SCHIP1: variants seen among roughly 807,000 people sequenced by gnomAD.
The protein encoded by SCHIP1 is schwannomin interacting protein 1, also known as schwannomin-interacting protein 1.
In SCHIP1, 8 loss-of-function variants were observed where a neutral mutation model predicts 29.7. That is an observed-to-expected ratio of 0.27 (90% CI 0.16 to 0.49). The LOEUF is 0.49. Among genes scored for constraint, SCHIP1 ranks in the 20% least tolerant of loss-of-function variants. The pLI is 0.99. For synonymous variants in SCHIP1, 76 were observed against 94.9 expected (o/e 0.80, Z 1.16); for missense variants, 193 against 294.6 (o/e 0.66, Z 2.52).
At chr3:159,742,941 C>T in the SCHIP1 span, among the ~76,000 whole-genome samples, 8 of 151,486 alleles carry the variant, frequency 5.3e-5, no homozygotes, top group East Asian at 1.6e-3. Flanking sequence ...CACACCTCGG[C>T]CTCCCAAAGT....
At chr3:159,549,775 C>G in the SCHIP1 span, among the ~76,000 whole-genome samples, 2 of 152,154 alleles carry the variant, frequency 1.3e-5, no homozygotes, top group African/African-American at 4.8e-5. Flanking sequence ...GGTTAAAAGC[C>G]ATAAAACCAG....
the SCHIP1 span, among the ~76,000 whole-genome samples, chr3:159,492,452 A>G: frequency 6.6e-6 from 1 of 152,230 alleles, no homozygotes; most frequent in Non-Finnish European, 1.5e-5. Flanking sequence ...TACGTGACGA[A>G]TGCACAAGCC....
the SCHIP1 span, among the ~76,000 whole-genome samples, chr3:159,497,378 C>T: frequency 3.9e-5 from 6 of 152,062 alleles, no homozygotes; most frequent in East Asian, 1.2e-3. Context: ...TTCACAGCCA[C>T]ATTATAACAG....
the SCHIP1 span, among the ~76,000 whole-genome samples, chr3:159,477,921 T>TC: frequency 2.7e-5 from 1 of 37,436 alleles, no homozygotes; most frequent in Non-Finnish European, 5.4e-5. Flanking sequence ...ATTTTAAATC[T>TC]TTTTTTTTTT....
At chr3:159,748,824 C>G in the SCHIP1 span, among the ~76,000 whole-genome samples, 1 of 152,208 alleles carries the variant, frequency 6.6e-6, no homozygotes, top group Non-Finnish European at 1.5e-5. Flanking sequence ...ATTTTAGTCT[C>G]TGTTGCTGGA....
the SCHIP1 span, among the ~76,000 whole-genome samples, chr3:159,731,825 T>A: frequency 6.6e-6 from 1 of 152,212 alleles, no homozygotes; most frequent in Non-Finnish European, 1.5e-5. Flanking sequence ...TTTTCTGGCC[T>A]TTAAAATTAG....
At chr3:159,345,063 A>G in the SCHIP1 span, among the ~76,000 whole-genome samples, 3 of 152,124 alleles carry the variant, frequency 2.0e-5, no homozygotes, top group African/African-American at 7.2e-5. Context: ...CCCCATCTCT[A>G]CTAAAAATTC....
chr3:159,397,802 G>A, the SCHIP1 span, among the ~76,000 whole-genome samples: 2 of 152,220 alleles, frequency 1.3e-5, no homozygotes, highest in African/African-American at 2.4e-5. Context: ...CCCAGAGGTT[G>A]AGCCTACAAA....
chr3:159,657,574 C>A, the SCHIP1 span, among the ~76,000 whole-genome samples: 1 of 152,170 alleles, frequency 6.6e-6, no homozygotes, highest in Non-Finnish European at 1.5e-5. Flanking sequence ...AGATTTTGAT[C>A]TTATTGGCAT....
At chr3:159,499,744 G>A in the SCHIP1 span, among the ~76,000 whole-genome samples, 4 of 152,168 alleles carry the variant, frequency 2.6e-5, no homozygotes, top group Non-Finnish European at 5.9e-5. Context: ...TGTAACAAGT[G>A]AAAGGTATTA....
the SCHIP1 span, among the ~76,000 whole-genome samples, chr3:159,810,297 G>A: frequency 3.9e-5 from 6 of 152,064 alleles, no homozygotes; most frequent in South Asian, 2.1e-4. Context: ...TGCCCACCTC[G>A]GCCCCTCAAA....
the SCHIP1 span, among the ~76,000 whole-genome samples, chr3:159,571,933 T>C: frequency 2.0e-5 from 3 of 152,236 alleles, no homozygotes; most frequent in Non-Finnish European, 4.4e-5. Flanking sequence ...TCTGGTATTC[T>C]CTGATGGTAG....
chr3:159,389,857 T>G, the SCHIP1 span, among the ~76,000 whole-genome samples: 1 of 152,030 alleles, frequency 6.6e-6, no homozygotes, highest in Admixed American at 6.6e-5. Context: ...ATTTTATAAC[T>G]GAAATGGTAG....
chr3:159,788,419 C>T, the SCHIP1 span, among the ~76,000 whole-genome samples: 10 of 152,162 alleles, frequency 6.6e-5, no homozygotes, highest in African/African-American at 2.4e-4. Flanking sequence ...AGTGGCCTGC[C>T]GAGTGTAGAG....
At chr3:159,288,450 G>A in the SCHIP1 span, among the ~76,000 whole-genome samples, 1 of 152,126 alleles carries the variant, frequency 6.6e-6, no homozygotes, top group Non-Finnish European at 1.5e-5. Context: ...AGAGGCATGT[G>A]CACTGACAAT....
At chr3:159,395,897 T>A in the SCHIP1 span, among the ~76,000 whole-genome samples, 2 of 152,104 alleles carry the variant, frequency 1.3e-5, no homozygotes, top group African/African-American at 2.4e-5. Context: ...GTCTCATTGA[T>A]CTGTCTAATG....
chr3:159,680,877 T>C, the SCHIP1 span, among the ~76,000 whole-genome samples: 1 of 149,298 alleles, frequency 6.7e-6, no homozygotes, highest in Non-Finnish European at 1.5e-5. Context: ...TTTGAATGTT[T>C]AGTCTAAAAA....
the SCHIP1 span, among the ~76,000 whole-genome samples, chr3:159,689,582 C>T: frequency 2.1e-5 from 3 of 143,048 alleles, no homozygotes; most frequent in African/African-American, 8.1e-5. Flanking sequence ...TATTTGAATA[C>T]CTTTATTTCT....
the SCHIP1 span, among the ~76,000 whole-genome samples, chr3:159,554,396 G>A: frequency 3.3e-5 from 5 of 152,124 alleles, no homozygotes; most frequent in Non-Finnish European, 7.4e-5. Context: ...GCACTTTTGT[G>A]CTATTTGTCT....
Sources: gnomAD v4.1 joint callset for allele counts (sites outside exome capture counted in the v4.1 genomes callset) on GRCh38, gnomAD v4.1.1 for gene constraint, MANE v1.5 for transcripts, NCBI Gene and HGNC (gene_info 2026-07-23, HGNC 2026-07-21) for gene names.